Variants in ZFYVE28 observed in about 807,000 individuals in gnomAD.
The protein encoded by ZFYVE28 is zinc finger FYVE-type containing 28.
A neutral mutation model predicts 82.1 loss-of-function variants in ZFYVE28; 40 were observed. The observed-to-expected ratio is 0.49, with a 90% confidence interval of 0.38 to 0.63. The LOEUF (loss-of-function observed/expected upper bound fraction) is 0.63. ZFYVE28 is among the 30% of genes least tolerant of loss of function. ZFYVE28 has a pLI of 0.00. For missense variants in ZFYVE28, 1,321 were observed against 1,242.1 expected (o/e 1.06, Z -0.96); for synonymous variants, 612 against 546.1 (o/e 1.12, Z -1.68).
chr4:2,392,903 C>T (rs1480827423), intron 1 of ZFYVE28, among the ~76,000 whole-genome samples: 1 of 152,112 alleles, frequency 6.6e-6, no homozygotes, highest in Non-Finnish European at 1.5e-5. Context: ...AAGGAATTTA[C>T]AAAAATGCAG....
At chr4:2,311,392 G>T (rs1717449824) in intron 7 of ZFYVE28, among the ~76,000 whole-genome samples, 1 of 152,124 alleles carries the variant, frequency 6.6e-6, no homozygotes, top group Non-Finnish European at 1.5e-5. Context: ...TGGGTGTGGT[G>T]GCAGGCATCT....
At position 2,362,841 on chromosome 4, in the gene ZFYVE28, G is replaced by T. The variant is rs1380144655; in HGVS notation, c.40-8768C>A. 6.6e-6 allele frequency among the ~76,000 whole-genome samples: 1 copy of T among 152,092 alleles called. No individual in the cohort carries two copies. Among genetic ancestry groups the T allele is most frequent in the African/African-American group, 2.4e-5 (1 of 41,446 alleles). On this transcript the variant is annotated intron_variant, in intron 1 of 12. Transcript: ENST00000290974. The surrounding 1 kb of genome is among the most constrained non-coding windows in gnomAD (Gnocchi z 5.1). Reference sequence around the variant, plus strand: ...AGTGGGCACGCTGGGTCAGCAGGAGGCCTGGCAGGGAGTGAGGATGGGACG... The same window carrying T: ...AGTGGGCACGCTGGGTCAGCAGGAGTCCTGGCAGGGAGTGAGGATGGGACG...
chr4:2,290,467 C>G (rs1184331835), intron 8 of ZFYVE28, among the ~76,000 whole-genome samples: 4 of 152,216 alleles, frequency 2.6e-5, no homozygotes, highest in Non-Finnish European at 5.9e-5. Context: ...CCCTGACACT[C>G]CTGTCTGTTG....
At position 2,335,528 on chromosome 4, in the gene ZFYVE28, C is replaced by T. The variant is rs375089414; in HGVS notation, c.701+177G>A. Among the ~76,000 whole-genome samples, 6 of 152,294 alleles carry T rather than the reference C, an allele frequency of 3.9e-5. No homozygotes were observed. The highest frequency in any genetic ancestry group is 7.2e-5 in the African/African-American group (3 of 41,568). On this transcript the variant is annotated intron_variant, in intron 6 of 12. Transcript: ENST00000290974. The surrounding 1 kb of genome is among the most constrained non-coding windows in gnomAD (Gnocchi z 5.8). ...AGGTGAACAGGGGGCACTCAGGACA[C>T]GTGGTCCCCTGGTCTGCTGAGGGCT...
chr4:2,321,647 CAG>C (rs1719094353), intron 6 of ZFYVE28, among the ~76,000 whole-genome samples: 1 of 152,098 alleles, frequency 6.6e-6, no homozygotes, highest in South Asian at 2.1e-4. Flanking sequence ...ATGGGTGAAT[CAG>C]GCAGTCTCAG....
chr4:2,412,538 A>G (rs945998087), intron 1 of ZFYVE28, among the ~76,000 whole-genome samples: 3 of 150,672 alleles, frequency 2.0e-5, no homozygotes, highest in Non-Finnish European at 1.5e-5. Context: ...CTCCAATGCT[A>G]TTTAGACACA....
intron 1 of ZFYVE28, among the ~76,000 whole-genome samples, chr4:2,361,924 T>C (rs531599866): frequency 2.0e-5 from 3 of 152,128 alleles, no homozygotes; most frequent in Middle Eastern, 3.4e-3. Flanking sequence ...GCGGGACAGA[T>C]GGGAGGACAG....
In ZFYVE28 at chr4:2,335,690, A is replaced by G. The variant is rs372653450; in HGVS notation, c.701+15T>C. The G allele has an allele frequency of 2.6e-5, 41 of 1,564,500 alleles. No homozygotes were observed. In the African/African-American group the frequency reaches 4.1e-4, roughly 15 times the overall value. ...GCAGGTTTCTGCAGAGGTCCTGGGCACAGGAGGCACTCACCACACGATGGC... is the reference window on the plus strand; with the variant it reads ...GCAGGTTTCTGCAGAGGTCCTGGGCGCAGGAGGCACTCACCACACGATGGC... On this transcript the variant is annotated intron_variant, in intron 6 of 12. Transcript: ENST00000290974. This position sits in a 1 kb window ranked among gnomAD's most constrained non-coding sequence, Gnocchi z 5.8.
At position 2,305,284 on chromosome 4, in the gene ZFYVE28, C is replaced by T. The variant is rs141026999; in HGVS notation, c.1056G>A (p.Ala352=). 1,084 of 1,613,072 alleles carry T rather than the reference C, an allele frequency of 6.7e-4. 8 individuals are homozygous for T. The South Asian group carries it at 7.0e-3, about 10-fold the overall frequency. ...AAAGCAAAGAGGACATCTCGTCCCC[C>T]GCCCTGTGGACCATGCGGCTGAGCT... ...LEQLSRMVHR[A]GDEMSSLLSP... The change falls in exon 8 of 13, where the codon GCG becomes GCA. Residue 352 remains alanine (A), a synonymous_variant. Coordinates refer to ENST00000290974, the MANE Select transcript of ZFYVE28 (RefSeq NM_020972.3).
rs73085139 is a variant in ZFYVE28, at chr4:2,283,769, G to T, written c.2052-9553C>A. On this transcript the variant is annotated intron_variant, in intron 8 of 12. Coordinates refer to ENST00000290974, the MANE Select transcript of ZFYVE28 (RefSeq NM_020972.3). ...AACCATCAAGGGTGTTGTTGTGGGA[G>T]GTCAGAGGGGAGACTCCTCACTCAG... Among the ~76,000 whole-genome samples, 1,175 of 152,360 alleles carry T rather than the reference G, an allele frequency of 7.7e-3. 6 individuals are homozygous for T. Among genetic ancestry groups the T allele is most frequent in the African/African-American group, 0.027 (1,108 of 41,580 alleles).
intron 1 of ZFYVE28, among the ~76,000 whole-genome samples, chr4:2,413,504 A>G (rs1406549667): frequency 6.6e-6 from 1 of 152,080 alleles, no homozygotes; most frequent in Non-Finnish European, 1.5e-5. Context: ...GCGTCCTCCC[A>G]GGACTTCCTG....
At chr4:2,330,289 A>T (rs1421495190) in intron 6 of ZFYVE28, 14 of 988,804 alleles carry the variant, frequency 1.4e-5, no homozygotes, top group Non-Finnish European at 1.7e-5. Context: ...TAACATGGAA[A>T]AATAAATAAC....
chr4:2,346,544 CT>C (rs1317776300), intron 2 of ZFYVE28, among the ~76,000 whole-genome samples: 12 of 151,858 alleles, frequency 7.9e-5, no homozygotes, highest in Non-Finnish European at 1.3e-4. Context: ...AAAAAATACC[CT>C]AACAACATAG....
intron 1 of ZFYVE28, among the ~76,000 whole-genome samples, chr4:2,387,137 G>A (rs1377878677): frequency 6.6e-6 from 1 of 152,210 alleles, no homozygotes; most frequent in Non-Finnish European, 1.5e-5. Context: ...CAGTCCGTTT[G>A]CCTGCAGGAG....
Position 2,300,571 on chromosome 4 carries a change from C to T in ZFYVE28, c.2051+3718G>A, listed in dbSNP as rs765258605. ...CCTGGCTGGGACCCTCACGCCAGGACTCCAGTGGGCCATGTGCCAACCCAC... is the reference window on the plus strand; with the variant it reads ...CCTGGCTGGGACCCTCACGCCAGGATTCCAGTGGGCCATGTGCCAACCCAC... On this transcript the variant is annotated intron_variant, in intron 8 of 12. Coordinates refer to ENST00000290974, the MANE Select transcript of ZFYVE28 (RefSeq NM_020972.3). The surrounding 1 kb of genome is among the most constrained non-coding windows in gnomAD (Gnocchi z 4.6). Among the ~76,000 whole-genome samples the T allele has an allele frequency of 3.3e-5, 5 of 152,144 alleles. No individual in the cohort carries two copies. The highest frequency in any genetic ancestry group is 6.5e-5 in the Admixed American group (1 of 15,280).
chr4:2,306,572 C>A (rs1410597651), intron 7 of ZFYVE28, among the ~76,000 whole-genome samples: 1 of 151,944 alleles, frequency 6.6e-6, no homozygotes, highest in Non-Finnish European at 1.5e-5. Context: ...TGTGTAGAAT[C>A]TCCAGATAAA....
In ZFYVE28 at chr4:2,304,361, T is replaced by C; in HGVS notation, c.1979A>G (p.Glu660Gly). 1 of 1,610,288 alleles carries C rather than the reference T, an allele frequency of 6.2e-7. No individual in the cohort carries two copies. Among genetic ancestry groups the C allele is most frequent in the Non-Finnish European group, 8.5e-7 (1 of 1,179,922 alleles). The change falls in exon 8 of 13, where the codon GAG (glutamate) becomes GGG (glycine). Residue 660 changes from glutamate to glycine, a missense_variant. Physicochemically the swap from Glu to Gly is moderately conservative, Grantham distance 98. Coordinates refer to ENST00000290974, the MANE Select transcript of ZFYVE28 (RefSeq NM_020972.3). ...AGCATGCAGCTCTCTGGCCTCTGGC[T>C]CCTGCTGACCTGCAACCCCAGCCTC... is the stretch of plus-strand genomic sequence containing the variant. Reference protein sequence around the residue: ...QGEAGVAGQQEPEARELHAGS... With the variant: ...QGEAGVAGQQGPEARELHAGS...
At chr4:2,378,266 G>C (rs753333570) in intron 1 of ZFYVE28, among the ~76,000 whole-genome samples, 2 of 152,162 alleles carry the variant, frequency 1.3e-5, no homozygotes, top group Non-Finnish European at 2.9e-5. Flanking sequence ...GCTTGAACCC[G>C]GGAGGCGGAA....
intron 1 of ZFYVE28, among the ~76,000 whole-genome samples, chr4:2,401,604 G>A (rs1476122594): frequency 4.6e-5 from 7 of 152,106 alleles, no homozygotes; most frequent in African/African-American, 1.4e-4. Flanking sequence ...AGTGTCTACA[G>A]AGAGGTTTTT....
Sources: allele counts gnomAD v4.1 joint callset (sites outside exome capture counted in the v4.1 genomes callset), GRCh38; gene constraint gnomAD v4.1.1; non-coding constraint Gnocchi (gnomAD v3.1); transcripts MANE v1.5; gene names NCBI Gene and HGNC (gene_info 2026-07-23, HGNC 2026-07-21).